TJP2: variants seen among roughly 807,000 people sequenced by gnomAD.
TJP2 encodes tight junction protein 2.
In TJP2, 91 loss-of-function variants were observed where a neutral mutation model predicts 133.1. That is an observed-to-expected ratio of 0.68 (90% CI 0.58 to 0.81). TJP2 has a LOEUF of 0.81. Among genes scored for constraint, TJP2 ranks in the 40% least tolerant of loss-of-function variants. TJP2 has a pLI of 0.00. For synonymous variants in TJP2, 592 were observed against 583.4 expected (o/e 1.01, Z -0.21); for missense variants, 1,541 against 1,565.6 (o/e 0.98, Z 0.26).
In TJP2 at chr9:69,221,166, G is replaced by T; in HGVS notation, c.622G>T (p.Asp208Tyr). 1 of 1,597,964 alleles carries T rather than the reference G, an allele frequency of 6.3e-7. No individual in the cohort carries two copies. The highest frequency in any genetic ancestry group is 8.5e-7 in the Non-Finnish European group (1 of 1,172,412). Residue 208 changes from aspartate to tyrosine, a missense_variant, in exon 5 of 23, where the codon GAC (aspartate) becomes TAC (tyrosine). Coordinates refer to ENST00000377245, the MANE Select transcript of TJP2 (RefSeq NM_004817.4). ...GRSLERGLDQ[D>Y]HARTRDRSRG... ...GAGCCTGGAGCGGGGCCTGGACCAA[G>T]ACCATGCGCGCACCCGAGACCGCAG...
chr9:69,209,478 G>A (rs1164571399), intron 1 of TJP2, among the ~76,000 whole-genome samples: 2 of 152,148 alleles, frequency 1.3e-5, no homozygotes, highest in Admixed American at 6.5e-5. Context: ...TTTTGGCCGG[G>A]CGTAGTGGCT....
chr9:69,190,293 A>ATG (rs1426014730), intron 1 of TJP2, among the ~76,000 whole-genome samples: 2 of 152,208 alleles, frequency 1.3e-5, no homozygotes, highest in African/African-American at 4.8e-5. Flanking sequence ...TGCCCAATAC[A>ATG]TGTGTTGGTA....
intron 2 of TJP2, among the ~76,000 whole-genome samples, chr9:69,155,924 G>C (rs1272427300): frequency 2.0e-5 from 3 of 152,216 alleles, no homozygotes; most frequent in Admixed American, 1.3e-4. Flanking sequence ...ACTTATGGGG[G>C]AAGAGAAACT....
chr9:69,138,469 CAA>C (rs797015130), intron 1 of TJP2, among the ~76,000 whole-genome samples: 5 of 88,242 alleles, frequency 5.7e-5, no homozygotes, highest in Non-Finnish European at 2.5e-5. Context: ...GAGAACTTTA[CAA>C]AAAAAAAAAA....
At chr9:69,251,527 G>A (rs930950209) in intron 21 of TJP2, among the ~76,000 whole-genome samples, 163 bp downstream of exon 21, 1 of 152,156 alleles carries the variant, frequency 6.6e-6, no homozygotes, top group Non-Finnish European at 1.5e-5. Context: ...CTCCCAGCAC[G>A]TCCCTTGTTC....
intron 1 of TJP2, among the ~76,000 whole-genome samples, chr9:69,201,684 A>G (rs1429910329): frequency 6.6e-6 from 1 of 152,238 alleles, no homozygotes; most frequent in Non-Finnish European, 1.5e-5. Flanking sequence ...TTTTCACTAT[A>G]GCCAAGAGGT....
In TJP2 at chr9:69,228,107, C is replaced by A. The variant is rs2309428; in HGVS notation, c.1446C>A (p.Asp482Glu). Residue 482 changes from aspartate (D) to glutamate (E), a missense_variant, in exon 9 of 23, where the codon GAC becomes GAA. Physicochemically the swap from Asp to Glu is conservative, Grantham distance 45. Coordinates refer to ENST00000377245, the MANE Select transcript of TJP2 (RefSeq NM_004817.4). ...ACAAGGAACCCAGATACCAAGAGGA[C>A]CCCCCAGGTGAGCCATTAAGACCAC... is the stretch of plus-strand genomic sequence containing the variant. ...ETNKEPRYQE[D>E]PPAPQPKAAP... is the part of the protein sequence containing the mutation. 0.8 allele frequency: 1,290,133 copies of A among 1,606,646 alleles called. 519,596 individuals carry two copies. Among genetic ancestry groups the A allele is most frequent in the East Asian group, 0.91 (40,572 of 44,684 alleles).
chr9:69,218,139 A>C (rs761747250), intron 3 of TJP2, 118 bp from the exon 4 acceptor site: 97 of 843,954 alleles, frequency 1.1e-4, no homozygotes, highest in Non-Finnish European at 1.7e-4. Context: ...GCCACTAGAC[A>C]CTGAGCCCTT....
Position 69,236,316 on chromosome 9 carries a change from G to C in TJP2, c.1991+78G>C. The stretch of plus-strand genomic sequence containing the variant: ...AACTAGAGACCGCCCCCCTTCCCCC[G>C]TAAAAGGAAACCCCACATGATGAGT... On this transcript the variant is annotated intron_variant, in intron 13 of 22. Coordinates refer to ENST00000377245, the MANE Select transcript of TJP2 (RefSeq NM_004817.4). The C allele has an allele frequency of 4.2e-6, 6 of 1,439,992 alleles. No individual in the cohort carries two copies. The South Asian group carries it at 5.9e-5, about 14-fold the overall frequency. The allele number at this position is 1,439,992 out of a possible 1,614,324, so 89.2% of individuals were successfully genotyped here.
At position 69,249,713 on chromosome 9, in the gene TJP2, T is replaced by C. The variant is rs546893734; in HGVS notation, c.2991+228T>C. 4.1e-6 allele frequency: 4 copies of C among 985,462 alleles called. No individual in the cohort carries two copies. In the African/African-American group the frequency reaches 7.0e-5, roughly 17 times the overall value. The allele number at this position is 985,462 out of a possible 1,614,324, so 61.0% of individuals were successfully genotyped here. On this transcript the variant is annotated intron_variant, in intron 20 of 22. Transcript: ENST00000377245. ...TTAGGAGAGCATATGATTTTAGGAC[T>C]GTTAGTGTTTATTTAATTTACTCTT...
In TJP2 at chr9:69,251,123, C is replaced by G. The variant is rs1461737487; in HGVS notation, c.3080C>G (p.Thr1027Ser). The change falls in exon 21 of 23, where the codon ACT becomes AGT. Residue 1027 changes from threonine to serine, a missense_variant. Coordinates refer to ENST00000377245, the MANE Select transcript of TJP2 (RefSeq NM_004817.4). ...SNPSAVAGNE[T>S]PGASTKGYPP... The stretch of plus-strand genomic sequence containing the variant: ...CCCTCTGCCGTTGCTGGTAATGAAA[C>G]TCCTGGGGCATCTACCAAAGGTTAT... The G allele has an allele frequency of 6.2e-7, 1 of 1,614,192 alleles. No homozygotes were observed. Among genetic ancestry groups the G allele is most frequent in the Non-Finnish European group, 8.5e-7 (1 of 1,180,044 alleles).
intron 2 of TJP2, among the ~76,000 whole-genome samples, chr9:69,166,639 T>C (rs972951085): frequency 3.3e-5 from 5 of 151,862 alleles, no homozygotes; most frequent in African/African-American, 1.2e-4. Flanking sequence ...CATTCCTGGC[T>C]AAGTTTTGTA....
intron 1 of TJP2, chr9:69,204,972 T>G: frequency 3.0e-6 from 4 of 1,318,250 alleles, no homozygotes; most frequent in Non-Finnish European, 3.9e-6. Flanking sequence ...TCTTTTTTGC[T>G]CATAAGTAGT....
At chr9:69,155,061 T>C (rs2133359532) in intron 2 of TJP2, among the ~76,000 whole-genome samples, 1 of 150,620 alleles carries the variant, frequency 6.6e-6, no homozygotes, top group African/African-American at 2.4e-5. Flanking sequence ...CTACTAAAAA[T>C]ACAAAAATTA....
intron 2 of TJP2, among the ~76,000 whole-genome samples, chr9:69,160,425 A>G (rs1824007215): frequency 6.6e-6 from 1 of 152,198 alleles, no homozygotes; most frequent in South Asian, 2.1e-4. Context: ...TGTACCTTCT[A>G]CAAACCTGAT....
intron 17 of TJP2, among the ~76,000 whole-genome samples, chr9:69,244,697 C>T (rs1830806368): frequency 6.6e-6 from 1 of 152,212 alleles, no homozygotes; most frequent in Non-Finnish European, 1.5e-5. Context: ...CAAGGGAAGG[C>T]AGCTTCATGT....
intron 17 of TJP2, among the ~76,000 whole-genome samples, chr9:69,243,276 G>T (rs1044539004): frequency 6.6e-6 from 1 of 152,156 alleles, no homozygotes; most frequent in African/African-American, 2.4e-5. Context: ...GCTTTATGTT[G>T]CATTAGTCTC....
At chr9:69,144,944 C>T (rs1345271261) in intron 1 of TJP2, among the ~76,000 whole-genome samples, 2 of 151,682 alleles carry the variant, frequency 1.3e-5, no homozygotes, top group East Asian at 3.9e-4. Flanking sequence ...CACCTTTACC[C>T]ATGGACAAAG....
intron 19 of TJP2, chr9:69,248,546 GTA>G (rs771953295): frequency 8.8e-6 from 11 of 1,249,500 alleles, no homozygotes; most frequent in Non-Finnish European, 1.0e-5. Flanking sequence ...CAGTATTGTT[GTA>G]TGTACTTGTA....
Sources: allele counts gnomAD v4.1 joint callset (sites outside exome capture counted in the v4.1 genomes callset), GRCh38; gene constraint gnomAD v4.1.1; transcripts MANE v1.5; gene names NCBI Gene and HGNC (gene_info 2026-07-23, HGNC 2026-07-21).